The following PELI2 variants were observed in gnomAD, a reference collection of about 807,000 sequenced individuals.
PELI2 encodes the protein pellino E3 ubiquitin protein ligase family member 2, also known as E3 ubiquitin-protein ligase pellino homolog 2.
In PELI2, 23 loss-of-function variants were observed where a neutral mutation model predicts 42.3. The observed-to-expected ratio is 0.54, with a 90% CI of 0.39 to 0.77. The LOEUF (loss-of-function observed/expected upper bound fraction) is 0.77, where lower values mean the gene tolerates loss of function less well. PELI2 is among the 30% of genes least tolerant of loss of function. PELI2 has a pLI of 0.00. For missense variants in PELI2, 463 were observed against 553.2 expected, an observed-to-expected ratio of 0.84 and a Z score of 1.64; for synonymous variants, 245 against 212.2, an observed-to-expected ratio of 1.15 and a Z score of -1.34.
At chr14:56,144,040 A>G (rs1049322054) in intron 1 of PELI2, among the ~76,000 whole-genome samples, 4 of 152,166 alleles carry the variant, frequency 2.6e-5, no homozygotes, top group African/African-American at 7.2e-5. Context: ...ATTTATTTCT[A>G]TATACATGTA....
intron 2 of PELI2, among the ~76,000 whole-genome samples, chr14:56,221,056 A>C (rs1204970080): frequency 1.3e-5 from 2 of 152,150 alleles, no homozygotes; most frequent in Non-Finnish European, 2.9e-5. Flanking sequence ...CTGGAGACAA[A>C]GCCGTGCCTC....
At chr14:56,290,154 A>T in intron 4 of PELI2, 114 bp from the exon 5 acceptor site, 1 of 739,664 alleles carries the variant, frequency 1.4e-6, no homozygotes, top group Non-Finnish European at 2.1e-6. Context: ...GAAAATGAAA[A>T]TTCATCACCT....
chr14:56,274,080 C>T (rs549240541), intron 2 of PELI2, among the ~76,000 whole-genome samples: 2 of 152,312 alleles, frequency 1.3e-5, no homozygotes, highest in African/African-American at 2.4e-5. Flanking sequence ...CCAGATGTCT[C>T]CTAAGTCCCA....
At chr14:56,285,855 G>A (rs573830111) in intron 3 of PELI2, among the ~76,000 whole-genome samples, 1 of 152,208 alleles carries the variant, frequency 6.6e-6, no homozygotes, top group Admixed American at 6.5e-5. Flanking sequence ...GTGAAGGAAA[G>A]CGTTTTTAAA....
chr14:56,249,506 A>G (rs546302966), intron 2 of PELI2, among the ~76,000 whole-genome samples: 1 of 152,302 alleles, frequency 6.6e-6, no homozygotes, highest in South Asian at 2.1e-4. Flanking sequence ...TCCAAGGTGC[A>G]GTCAGTTTAA....
chr14:56,218,743 T>C (rs111494514), intron 2 of PELI2, among the ~76,000 whole-genome samples: 3,081 of 146,466 alleles, frequency 0.021, 103 homozygotes, highest in African/African-American at 0.074. Context: ...GAGAGAGAGG[T>C]TGGTGGGGAA....
chr14:56,283,022 A>G lies in PELI2; in HGVS notation c.309+3245A>G, dbSNP rs146926379. ...AAAAACTACTGTGATGGTACCTGTT[A>G]TAGGTAAGTCAGGTACTCTCAAAGT... On this transcript the variant is annotated intron_variant, in intron 3 of 5. Coordinates refer to ENST00000267460, the MANE Select transcript of PELI2 (RefSeq NM_021255.3). Among the ~76,000 whole-genome samples the G allele has an allele frequency of 6.6e-3, 998 of 152,298 alleles. 11 individuals are homozygous for G. The highest frequency in any genetic ancestry group is 0.022 in the African/African-American group (916 of 41,558).
rs564417585 is a variant in PELI2, at chr14:56,169,479, G to A, written c.78-8856G>A. Among the ~76,000 whole-genome samples the A allele has an allele frequency of 4.6e-5, 7 of 152,292 alleles. No individual in the cohort carries two copies. The South Asian group carries it at 1.5e-3, about 32-fold the overall frequency. On this transcript the variant is annotated intron_variant, in intron 1 of 5. Transcript: ENST00000267460. ...TTTTGCTCTAACAGAACAGCACTTAGTTCAATGCCTCACCATTACTGTGCT... is the reference window on the plus strand; with the variant it reads ...TTTTGCTCTAACAGAACAGCACTTAATTCAATGCCTCACCATTACTGTGCT...
intron 2 of PELI2, among the ~76,000 whole-genome samples, chr14:56,203,787 G>T (rs969093772): frequency 2.0e-5 from 3 of 152,090 alleles, no homozygotes; most frequent in Admixed American, 2.0e-4. Flanking sequence ...CTGTTGTTTT[G>T]GAAAGGGATT....
intron 1 of PELI2, among the ~76,000 whole-genome samples, chr14:56,129,336 G>A (rs1005013457): frequency 3.3e-5 from 5 of 152,208 alleles, no homozygotes; most frequent in South Asian, 2.1e-4. Context: ...CACAATGGGC[G>A]TAGCCCCCTT....
intron 2 of PELI2, among the ~76,000 whole-genome samples, chr14:56,251,615 C>A (rs988197169): frequency 6.6e-6 from 1 of 152,130 alleles, no homozygotes; most frequent in African/African-American, 2.4e-5. Flanking sequence ...ATTGTGAGCC[C>A]CTGTTTGATT....
At chr14:56,148,125 C>G (rs1181789838) in intron 1 of PELI2, among the ~76,000 whole-genome samples, 2 of 152,198 alleles carry the variant, frequency 1.3e-5, no homozygotes, top group Non-Finnish European at 2.9e-5. Flanking sequence ...CAAACCAGAA[C>G]CTAGAGGTCA....
chr14:56,171,318 C>G (rs985202699), intron 1 of PELI2, among the ~76,000 whole-genome samples: 4 of 152,142 alleles, frequency 2.6e-5, no homozygotes, highest in South Asian at 2.1e-4. Context: ...TTCTTGCTCT[C>G]TCTGGTACAC....
rs116066489 is a variant in PELI2, at chr14:56,297,603, A to G, written c.*437A>G. On this transcript the variant is annotated 3_prime_UTR_variant, in exon 6 of 6. Transcript: ENST00000267460. ...GTTACGCGAAGGGCGCACAGTGTCT[A>G]GAAATACTTGATCGTGGCTCAAACC... is the stretch of plus-strand genomic sequence containing the variant. The G allele has an allele frequency of 5.6e-3, 965 of 172,350 alleles. 6 individuals are homozygous for G. Among genetic ancestry groups the G allele is most frequent in the African/African-American group, 0.022 (918 of 41,822 alleles). 10.7% of individuals were successfully genotyped at this position (172,350 alleles called of 1,614,324 possible). A position where few individuals can be genotyped will look rare whatever the true frequency, so the allele number is the denominator to read the frequency against.
chr14:56,223,532 A>G (rs1374045396), intron 2 of PELI2, among the ~76,000 whole-genome samples: 1 of 152,194 alleles, frequency 6.6e-6, no homozygotes, highest in Non-Finnish European at 1.5e-5. Flanking sequence ...GAAAAAGGCC[A>G]CAATTGTGGA....
chr14:56,272,763 A>G (rs932445658), intron 2 of PELI2, among the ~76,000 whole-genome samples: 4 of 152,074 alleles, frequency 2.6e-5, no homozygotes, highest in African/African-American at 9.7e-5. Context: ...AACACAAACA[A>G]CCTCTTAACA....
intron 1 of PELI2, among the ~76,000 whole-genome samples, chr14:56,177,705 A>G (rs1024766107): frequency 3.3e-5 from 5 of 152,156 alleles, no homozygotes; most frequent in Admixed American, 1.3e-4. Flanking sequence ...GTGGACTAAA[A>G]CTCATGTGTA....
intron 2 of PELI2, among the ~76,000 whole-genome samples, chr14:56,185,576 G>A (rs915280450): frequency 2.0e-5 from 3 of 152,152 alleles, no homozygotes; most frequent in Non-Finnish European, 4.4e-5. Context: ...TAGGTTTTAA[G>A]ATACAGTATG....
chr14:56,286,450 C>G (rs952384116), intron 3 of PELI2, among the ~76,000 whole-genome samples: 1 of 152,130 alleles, frequency 6.6e-6, no homozygotes, highest in African/African-American at 2.4e-5. Flanking sequence ...CAGGCAAACC[C>G]AAACTTTTCT....
Sources: allele counts gnomAD v4.1 joint callset (sites outside exome capture counted in the v4.1 genomes callset), GRCh38; gene constraint gnomAD v4.1.1; transcripts MANE v1.5; gene names NCBI Gene and HGNC (gene_info 2026-07-23, HGNC 2026-07-21).